The following ZCCHC17 variants were observed in gnomAD, a reference collection of about 807,000 sequenced individuals.
The protein encoded by ZCCHC17 is zinc finger CCHC domain-containing protein 17.
ZCCHC17 carries 18 observed loss-of-function variants against 30.6 expected under a neutral mutation model. The observed-to-expected ratio is 0.59, with a 90% CI of 0.41 to 0.87. The LOEUF (loss-of-function observed/expected upper bound fraction) is 0.87. Ranked by LOEUF, ZCCHC17 falls within the 40% of genes least tolerant of loss-of-function variation. ZCCHC17 has a pLI of 0.00. For synonymous variants in ZCCHC17, 88 were observed against 92.4 expected (o/e 0.95, Z 0.27); for missense variants, 263 against 284.2 (o/e 0.93, Z 0.54).
chr1:31,342,950 T>G (rs1639100638), intron 5 of ZCCHC17, among the ~76,000 whole-genome samples: 1 of 152,174 alleles, frequency 6.6e-6, no homozygotes, highest in African/African-American at 2.4e-5. Flanking sequence ...GAAAAGCACA[T>G]AGTACATTTG....
intron 5 of ZCCHC17, among the ~76,000 whole-genome samples, chr1:31,342,196 C>T (rs1639073621): frequency 6.6e-6 from 1 of 152,052 alleles, no homozygotes; most frequent in South Asian, 2.1e-4. Context: ...AGGCATAGTC[C>T]ACCATGCCTG....
At chr1:31,300,193 G>T (rs902125620) in intron 1 of ZCCHC17, among the ~76,000 whole-genome samples, 3 of 152,146 alleles carry the variant, frequency 2.0e-5, no homozygotes, top group African/African-American at 7.2e-5. Flanking sequence ...TCCAGTAGGT[G>T]GGATAACAGG....
chr1:31,351,348 C>A (rs1431015683), intron 7 of ZCCHC17, among the ~76,000 whole-genome samples: 2 of 152,178 alleles, frequency 1.3e-5, no homozygotes, highest in Non-Finnish European at 2.9e-5. Flanking sequence ...CTCTTACAGT[C>A]AGACTATTGA....
chr1:31,344,544 G>C (rs1314999705), intron 5 of ZCCHC17, among the ~76,000 whole-genome samples: 1 of 152,210 alleles, frequency 6.6e-6, no homozygotes, highest in Non-Finnish European at 1.5e-5. Flanking sequence ...TGGAGGCAGG[G>C]AGACCAGTGA....
At chr1:31,316,838 A>G (rs1646744704) in intron 2 of ZCCHC17, among the ~76,000 whole-genome samples, 1 of 152,102 alleles carries the variant, frequency 6.6e-6, no homozygotes, top group South Asian at 2.1e-4. Flanking sequence ...TTCGTAACCC[A>G]TTCTTCATGT....
At chr1:31,315,924 A>G (rs946920462) in intron 2 of ZCCHC17, among the ~76,000 whole-genome samples, 1 of 152,216 alleles carries the variant, frequency 6.6e-6, no homozygotes, top group Non-Finnish European at 1.5e-5. Flanking sequence ...AGTTGAGTGC[A>G]TCCATTCTGG....
Position 31,339,960 on chromosome 1 carries a change from C to CTTTTTTTTTTTTTTTTTTTTTT in ZCCHC17, c.317+915_317+936dup, listed in dbSNP as rs36008834. ...TCTGTCTCAAGTCTTTCTTGGATTT[C>CTTTTTTTTTTTTTTTTTTTTTT]TTTTTTTTTTTTTTTTTTTTTTTTG... On this transcript the variant is annotated intron_variant, in intron 5 of 7. Transcript: ENST00000344147. Among the ~76,000 whole-genome samples the CTTTTTTTTTTTTTTTTTTTTTT allele has an allele frequency of 3.3e-5, 3 of 90,400 alleles. 1 individual carries two copies. The highest frequency in any genetic ancestry group is 6.7e-5 in the Non-Finnish European group (3 of 44,912). The allele number at this position is 90,400 out of a possible 152,430, so 59.3% of individuals were successfully genotyped here. A position where few individuals can be genotyped will look rare whatever the true frequency, so the allele number is the denominator to read the frequency against.
intron 7 of ZCCHC17, among the ~76,000 whole-genome samples, chr1:31,362,249 T>G (rs1186194693): frequency 6.6e-6 from 1 of 152,218 alleles, no homozygotes; most frequent in Non-Finnish European, 1.5e-5. Flanking sequence ...TGCTTCAGTG[T>G]TCTTTCCACC....
At chr1:31,315,832 C>G (rs983732825) in intron 2 of ZCCHC17, among the ~76,000 whole-genome samples, 3 of 152,182 alleles carry the variant, frequency 2.0e-5, no homozygotes, top group African/African-American at 7.2e-5. Flanking sequence ...ACTGCGTGAT[C>G]ATCTATGGCA....
chr1:31,307,589 T>G (rs1276148136), intron 1 of ZCCHC17, among the ~76,000 whole-genome samples: 1 of 151,514 alleles, frequency 6.6e-6, no homozygotes, highest in African/African-American at 2.4e-5. Context: ...GTTTTTTTTT[T>G]TTTGGAGACG....
At chr1:31,316,408 C>T (rs542011600) in intron 2 of ZCCHC17, among the ~76,000 whole-genome samples, 57 of 152,212 alleles carry the variant, frequency 3.7e-4, no homozygotes, top group African/African-American at 1.4e-3. Flanking sequence ...GACCCAGATG[C>T]TACTTTTAAG....
intron 3 of ZCCHC17, among the ~76,000 whole-genome samples, chr1:31,332,675 C>A (rs1638638145): frequency 6.6e-6 from 1 of 151,520 alleles, no homozygotes; most frequent in Non-Finnish European, 1.5e-5. Context: ...GAGATGGAGT[C>A]TTGCTTTGTC....
At chr1:31,343,294 A>G (rs1246667199) in intron 5 of ZCCHC17, among the ~76,000 whole-genome samples, 2 of 152,274 alleles carry the variant, frequency 1.3e-5, no homozygotes, top group South Asian at 4.2e-4. Flanking sequence ...TCCTGGCCTC[A>G]AGTAATCCGC....
At chr1:31,331,736 C>T (rs562229309) in intron 3 of ZCCHC17, among the ~76,000 whole-genome samples, 15 of 151,936 alleles carry the variant, frequency 9.9e-5, no homozygotes, top group East Asian at 7.8e-4. Flanking sequence ...CTTAGCCTCC[C>T]GAATAGCTGG....
chr1:31,313,068 C>CTTT lies in ZCCHC17; in HGVS notation c.66+2922_66+2924dup, dbSNP rs59004055. Among the ~76,000 whole-genome samples, 146 of 113,496 alleles carry CTTT rather than the reference C, an allele frequency of 1.3e-3. 3 individuals carry two copies. The highest frequency in any genetic ancestry group is 1.3e-3 in the African/African-American group (40 of 29,794). The allele number at this position is 113,496 out of a possible 152,430, so 74.5% of individuals were successfully genotyped here. A position where few individuals can be genotyped will look rare whatever the true frequency, so the allele number is the denominator to read the frequency against. On this transcript the variant is annotated intron_variant, in intron 2 of 7. Coordinates refer to ENST00000344147, the MANE Select transcript of ZCCHC17 (RefSeq NM_016505.4). ...AGGTGTGAGCCACCACACTGGGCCTCTTTTTTTTTTTTTTTTTTTTCTTTT... is the reference window on the plus strand; with the variant it reads ...AGGTGTGAGCCACCACACTGGGCCTCTTTTTTTTTTTTTTTTTTTTTTTCTTTT...
At chr1:31,347,341 T>A (rs1639312475) in intron 6 of ZCCHC17, among the ~76,000 whole-genome samples, 1 of 152,210 alleles carries the variant, frequency 6.6e-6, no homozygotes, top group Admixed American at 6.5e-5. Flanking sequence ...ATTTTCAGGT[T>A]GACCTCAATT....
intron 2 of ZCCHC17, among the ~76,000 whole-genome samples, chr1:31,318,498 C>T (rs1646787843): frequency 6.6e-6 from 1 of 152,156 alleles, no homozygotes; most frequent in South Asian, 2.1e-4. Context: ...GGGGACAACT[C>T]TTTCTCTCTG....
chr1:31,349,071 G>T, intron 7 of ZCCHC17, 97 bp downstream of exon 7: 1 of 1,383,574 alleles, frequency 7.2e-7, no homozygotes, highest in Non-Finnish European at 9.6e-7. Context: ...TGTAGTCCCA[G>T]CTACTTGGGA....
intron 1 of ZCCHC17, among the ~76,000 whole-genome samples, chr1:31,309,553 T>C (rs1463944402): frequency 6.6e-6 from 1 of 152,092 alleles, no homozygotes; most frequent in Non-Finnish European, 1.5e-5. Flanking sequence ...GATCCTGAGA[T>C]CGTCCGACCT....
Sources: gnomAD v4.1 joint callset for allele counts (sites outside exome capture counted in the v4.1 genomes callset) on GRCh38, gnomAD v4.1.1 for gene constraint, MANE v1.5 for transcripts, NCBI Gene and HGNC (gene_info 2026-07-23, HGNC 2026-07-21) for gene names.